CASZ1: variants seen among roughly 807,000 people sequenced by gnomAD.
The protein encoded by CASZ1 is zinc finger protein castor homolog 1.
CASZ1 carries 28 observed loss-of-function variants against 135.2 expected under a neutral mutation model. The ratio of observed to expected loss-of-function variants is 0.21; its 90% CI spans 0.15 to 0.28. The LOEUF (loss-of-function observed/expected upper bound fraction) is 0.28, where lower values mean the gene tolerates loss of function less well. CASZ1 is among the 10% of genes least tolerant of loss of function. The pLI, the probability that CASZ1 is intolerant of heterozygous loss-of-function variation, is 1.00. For synonymous variants in CASZ1, 1,068 were observed against 1,073.4 expected, an observed-to-expected ratio of 0.99 and a Z score of 0.10; for missense variants, 2,161 against 2,453.3, an observed-to-expected ratio of 0.88 and a Z score of 2.52.
Position 10,660,094 on chromosome 1 carries a change from G to C in CASZ1, c.948C>G (p.Ile316Met). The change falls in exon 6 of 21, where the codon ATC (isoleucine) becomes ATG (methionine). Residue 316 changes from isoleucine to methionine, a missense_variant. By Grantham distance (10) the Ile-to-Met change is conservative. Around this residue, in one of 7 missense-constraint regions of CASZ1, gnomAD observed 590 missense variants for 609.8 expected, o/e 0.97. Coordinates refer to ENST00000377022, the MANE Select transcript of CASZ1 (RefSeq NM_001079843.3). Reference sequence around the variant, plus strand: ...GATTCTCGCCGGTCTTCAGTTTTTGGATGAAGAAGTCGTACTTGGAGGCCC... The same window carrying C: ...GATTCTCGCCGGTCTTCAGTTTTTGCATGAAGAAGTCGTACTTGGAGGCCC... ...VARASKYDFF[I>M]QKLKTGENLR... 6.2e-7 allele frequency: 1 copy of C among 1,614,180 alleles called. No homozygotes were observed. Among genetic ancestry groups the C allele is most frequent in the Non-Finnish European group, 8.5e-7 (1 of 1,180,016 alleles).
At chr1:10,770,089 T>C (rs1029940080) in intron 1 of CASZ1, among the ~76,000 whole-genome samples, 3 of 152,116 alleles carry the variant, frequency 2.0e-5, no homozygotes, top group Non-Finnish European at 4.4e-5. Flanking sequence ...CTTTTTTCTT[T>C]TCTTTCTTTT....
chr1:10,758,480 C>T (rs1302620482), intron 2 of CASZ1, among the ~76,000 whole-genome samples: 2 of 152,074 alleles, frequency 1.3e-5, no homozygotes, highest in Non-Finnish European at 2.9e-5. Flanking sequence ...TACAGGCATG[C>T]ACCACTATAC....
At chr1:10,745,396 A>AG (rs1435164332) in intron 2 of CASZ1, among the ~76,000 whole-genome samples, 1 of 120,198 alleles carries the variant, frequency 8.3e-6, no homozygotes, top group African/African-American at 4.6e-5. Context: ...TACCAGGGAC[A>AG]CGAACACAGA....
chr1:10,656,534 G>A lies in CASZ1; in HGVS notation c.1500+112C>T, dbSNP rs986501230. Reference sequence around the variant, plus strand: ...CTCTACCTGCTCAAGTCAAGTTTGGGTGGTGCAACTAGAACTAACCCCCCC... The same window carrying A: ...CTCTACCTGCTCAAGTCAAGTTTGGATGGTGCAACTAGAACTAACCCCCCC... On this transcript the variant is annotated intron_variant, in intron 8 of 20. Transcript: ENST00000377022. 16 of 771,162 alleles carry A rather than the reference G, an allele frequency of 2.1e-5. No homozygotes were observed. The Admixed American group carries it at 3.1e-4, about 15-fold the overall frequency. 47.8% of individuals were successfully genotyped at this position (771,162 alleles called of 1,614,324 possible). A position where few individuals can be genotyped will look rare whatever the true frequency, so the allele number is the denominator to read the frequency against.
rs982771391 is a variant in CASZ1, at chr1:10,719,610, C to T, written c.-76-14066G>A. Among the ~76,000 whole-genome samples the T allele has an allele frequency of 3.3e-5, 5 of 152,178 alleles. No homozygotes were observed. The highest frequency in any genetic ancestry group is 1.9e-4 in the East Asian group (1 of 5,184). On this transcript the variant is annotated intron_variant, in intron 2 of 20. Coordinates refer to ENST00000377022, the MANE Select transcript of CASZ1 (RefSeq NM_001079843.3). The surrounding 1 kb of genome is among the most constrained non-coding windows in gnomAD (Gnocchi z 4.0). ...CTGGCCACCTGTAGGGCATGGGGAA[C>T]GGGGGCTCAGGTGAGCAGATGCATG... is the stretch of plus-strand genomic sequence containing the variant.
rs368220330 is a variant in CASZ1, at chr1:10,795,175, AT to A, written c.-234+1388del. Among the ~76,000 whole-genome samples the A allele has an allele frequency of 1.8e-3, 271 of 148,890 alleles. 10 individuals are homozygous for A. In the East Asian group the frequency reaches 0.05, roughly 28 times the overall value. The stretch of plus-strand genomic sequence containing the variant: ...ACGAATCGGCCCCCTGCCCCGGGAG[AT>A]CCCTGACTCGGTCTGGCCCGATCCC... On this transcript the variant is annotated intron_variant, in intron 1 of 20. Transcript: ENST00000377022.
intron 4 of CASZ1, among the ~76,000 whole-genome samples, chr1:10,670,610 C>T (rs1217608612): frequency 3.9e-5 from 6 of 152,246 alleles, no homozygotes; most frequent in Admixed American, 1.3e-4. Flanking sequence ...ACACAGGCAG[C>T]CCTGGCTCCT....
At chr1:10,772,730 G>A (rs988305953) in intron 1 of CASZ1, among the ~76,000 whole-genome samples, 5 of 152,146 alleles carry the variant, frequency 3.3e-5, no homozygotes, top group Non-Finnish European at 7.3e-5. Context: ...AGCCAATGCA[G>A]AGACACCATA....
At chr1:10,671,724 C>T (rs1286082014) in intron 4 of CASZ1, among the ~76,000 whole-genome samples, 2 of 152,190 alleles carry the variant, frequency 1.3e-5, no homozygotes, top group African/African-American at 4.8e-5. Context: ...GCCACCGCAG[C>T]GGAGCATGAT....
In CASZ1 at chr1:10,665,392, G is replaced by A. The variant is rs1371717413; in HGVS notation, c.196C>T (p.Arg66Cys). Residue 66 changes from arginine to cysteine, a missense_variant, in exon 5 of 21, where the codon CGC (arginine) becomes TGC (cysteine). This residue lies in a region of CASZ1 where 590 missense variants were observed against 609.8 expected (regional missense o/e 0.97). Coordinates refer to ENST00000377022, the MANE Select transcript of CASZ1 (RefSeq NM_001079843.3). ...GCTGCCCCAGACTCAGGGCCACTGC[G>A]CTCTTGGTCCCGGGGCTGCGATGGG... ...GSPSQPRDQERSGPESGAARA... is the reference protein window; with the variant it reads ...GSPSQPRDQECSGPESGAARA... 2.5e-6 allele frequency: 4 copies of A among 1,612,780 alleles called. No homozygotes were observed. Among genetic ancestry groups the A allele is most frequent in the Admixed American group, 3.3e-5 (2 of 59,958 alleles).
At chr1:10,763,346 C>A (rs953772775) in intron 1 of CASZ1, among the ~76,000 whole-genome samples, 8 of 152,186 alleles carry the variant, frequency 5.3e-5, no homozygotes, top group Non-Finnish European at 1.0e-4. Flanking sequence ...GTCCCCGAAA[C>A]CTCCATGGGC....
At chr1:10,648,590 C>G (rs1405670911) in intron 15 of CASZ1, 1 of 196,718 alleles carries the variant, frequency 5.1e-6, no homozygotes, top group South Asian at 1.4e-4. Flanking sequence ...GTTCTGAGTT[C>G]CCTTATAAGT....
intron 1 of CASZ1, among the ~76,000 whole-genome samples, chr1:10,780,074 C>T (rs973539269): frequency 4.6e-5 from 7 of 152,180 alleles, no homozygotes; most frequent in African/African-American, 1.4e-4. Flanking sequence ...AGCCCTCACC[C>T]TCACGGTGAC....
intron 1 of CASZ1, among the ~76,000 whole-genome samples, chr1:10,782,114 C>T (rs990994618): frequency 6.6e-6 from 1 of 152,244 alleles, no homozygotes; most frequent in African/African-American, 2.4e-5. Context: ...GACGCTACCC[C>T]TCTATAGAGA....
At chr1:10,668,427 C>T (rs1028607858) in intron 4 of CASZ1, among the ~76,000 whole-genome samples, 2 of 152,260 alleles carry the variant, frequency 1.3e-5, no homozygotes, top group African/African-American at 4.8e-5. Context: ...TCTATTTACA[C>T]TGGACACTTC....
intron 13 of CASZ1, 68 bp from the exon 14 acceptor site, chr1:10,649,505 C>T: frequency 6.6e-7 from 1 of 1,512,976 alleles, no homozygotes; most frequent in Non-Finnish European, 8.9e-7. Flanking sequence ...GCCTGGGGAG[C>T]AACAGCCGAA....
intron 1 of CASZ1, among the ~76,000 whole-genome samples, chr1:10,786,471 G>A (rs1640861149): frequency 6.6e-6 from 1 of 151,984 alleles, no homozygotes; most frequent in African/African-American, 2.4e-5. Flanking sequence ...CAGACAGAGA[G>A]CAAGCTCTCC....
At chr1:10,718,843 GA>G (rs1476700447) in intron 2 of CASZ1, among the ~76,000 whole-genome samples, 4 of 152,188 alleles carry the variant, frequency 2.6e-5, no homozygotes, top group African/African-American at 9.7e-5. Flanking sequence ...TTGCCCACAA[GA>G]GGAATTACTG....
intron 4 of CASZ1, 146 bp downstream of exon 4, chr1:10,693,728 A>G: frequency 2.6e-6 from 2 of 778,200 alleles, no homozygotes; most frequent in South Asian, 1.4e-5. Context: ...GCCGATCCCG[A>G]GGCCGGGACG....
Sources: allele counts gnomAD v4.1 joint callset (sites outside exome capture counted in the v4.1 genomes callset), GRCh38; gene constraint gnomAD v4.1.1; regional missense constraint gnomAD v4.1.1; non-coding constraint Gnocchi (gnomAD v3.1); transcripts MANE v1.5; gene names NCBI Gene and HGNC (gene_info 2026-07-23, HGNC 2026-07-21).